Variants in GBP7 observed in about 807,000 individuals in gnomAD.
GBP7 encodes the protein guanylate-binding protein 7.
GBP7 carries 43 observed loss-of-function variants against 61.3 expected under a neutral mutation model. The ratio of observed to expected loss-of-function variants is 0.70; its 90% CI spans 0.55 to 0.91. The LOEUF is 0.91. Ranked by LOEUF, GBP7 falls within the 40% of genes least tolerant of loss-of-function variation. The pLI, the probability that GBP7 is intolerant of heterozygous loss-of-function variation, is 0.00. For synonymous variants in GBP7, 267 were observed against 271.0 expected, an observed-to-expected ratio of 0.99 and a Z score of 0.14; for missense variants, 717 against 740.5, an observed-to-expected ratio of 0.97 and a Z score of 0.37.
At chr1:89,153,669 T>A (rs1183435517) in intron 3 of GBP7, among the ~76,000 whole-genome samples, 1 of 152,014 alleles carries the variant, frequency 6.6e-6, no homozygotes, top group African/African-American at 2.4e-5. Flanking sequence ...ATTGTCAACA[T>A]AAAAATGCAA....
intron 3 of GBP7, among the ~76,000 whole-genome samples, chr1:89,158,943 A>G (rs1364999781): frequency 2.0e-5 from 3 of 152,094 alleles, no homozygotes; most frequent in Non-Finnish European, 4.4e-5. Flanking sequence ...GAGGCATCAC[A>G]CTACCCGATT....
chr1:89,154,995 A>G (rs970316043), intron 3 of GBP7, among the ~76,000 whole-genome samples: 3 of 152,206 alleles, frequency 2.0e-5, no homozygotes, highest in African/African-American at 7.2e-5. Context: ...CCCCTCTGGG[A>G]CAAAGCTTCC....
intron 9 of GBP7, among the ~76,000 whole-genome samples, chr1:89,138,903 A>T (rs1197479165): frequency 6.6e-6 from 1 of 152,308 alleles, no homozygotes; most frequent in East Asian, 1.9e-4. Flanking sequence ...AACCTACAGA[A>T]TGGGAGAAAA....
At chr1:89,157,854 T>C (rs1233186622) in intron 3 of GBP7, among the ~76,000 whole-genome samples, 1 of 152,126 alleles carries the variant, frequency 6.6e-6, no homozygotes, top group Non-Finnish European at 1.5e-5. Flanking sequence ...CCTAACTCAT[T>C]TCATGAGGCC....
chr1:89,165,772 G>C (rs4656099), intron 2 of GBP7, among the ~76,000 whole-genome samples: 1 of 151,770 alleles, frequency 6.6e-6, no homozygotes, highest in South Asian at 2.1e-4. Context: ...CTGTTGGGGG[G>C]TGGGGGCTAG....
rs1303189359 is a variant in GBP7 at position 89,147,173 on chromosome 1, C to G, written c.1365+394G>C. Among the ~76,000 whole-genome samples the G allele has an allele frequency of 3.6e-4, 55 of 152,168 alleles. 1 individual carries two copies. The highest frequency in any genetic ancestry group is 3.6e-3 in the Admixed American group (55 of 15,280). ...TCATCACCATCATTATCACCCCTATCAATGTATACCAATATGATAACCACA... is the reference window on the plus strand; with the variant it reads ...TCATCACCATCATTATCACCCCTATGAATGTATACCAATATGATAACCACA... On this transcript the variant is annotated intron_variant, in intron 8 of 10. Transcript: ENST00000294671.
In GBP7 at chr1:89,133,259, T is replaced by TTCA; in HGVS notation, c.1658_1660dup (p.Met553dup). ...CTGCCAAGCTTCATCCAGACTCACCTTCATCTTGTGACTCAACATCTTTCT... is the reference window on the plus strand; with the variant it reads ...CTGCCAAGCTTCATCCAGACTCACCTTCATCATCTTGTGACTCAACATCTTTCT... On this transcript the variant is annotated inframe_insertion and splice_region_variant, in exon 10 of 11. Coordinates refer to ENST00000294671, the MANE Select transcript of GBP7 (RefSeq NM_207398.3). The TTCA allele has an allele frequency of 1.2e-6, 2 of 1,612,634 alleles. No homozygotes were observed. The highest frequency in any genetic ancestry group is 2.2e-5 in the South Asian group (2 of 90,992).
intron 2 of GBP7, among the ~76,000 whole-genome samples, chr1:89,166,553 G>T (rs1647448879): frequency 6.6e-6 from 1 of 152,172 alleles, no homozygotes; most frequent in African/African-American, 2.4e-5. Context: ...AATACCGCAG[G>T]AATTAAAAAG....
chr1:89,150,214 C>T (rs1682159767), intron 6 of GBP7, 116 bp downstream of exon 6: 1 of 945,002 alleles, frequency 1.1e-6, no homozygotes, highest in Non-Finnish European at 1.6e-6. Context: ...ACTTATCCCA[C>T]ACCTCATAAC....
intron 9 of GBP7, among the ~76,000 whole-genome samples, chr1:89,141,205 G>GAA (rs530178959): frequency 4.6e-5 from 6 of 130,650 alleles, no homozygotes; most frequent in South Asian, 4.8e-4. Flanking sequence ...ATAAAAGTTG[G>GAA]AAAGAAAAAA....
At chr1:89,157,826 G>A (rs191984902) in intron 3 of GBP7, among the ~76,000 whole-genome samples, 3,249 of 152,120 alleles carry the variant, frequency 0.021, 35 homozygotes, top group Middle Eastern at 0.048. Context: ...CCAATCAGTA[G>A]AAAAACAGTG....
chr1:89,160,395 G>T (rs1313775881), intron 3 of GBP7, among the ~76,000 whole-genome samples: 1 of 152,086 alleles, frequency 6.6e-6, no homozygotes, highest in East Asian at 1.9e-4. Context: ...CATATGTGAA[G>T]ATTTTAAAAT....
intron 1 of GBP7, among the ~76,000 whole-genome samples, chr1:89,173,355 TTGA>T (rs1647657946): frequency 6.6e-6 from 1 of 152,212 alleles, no homozygotes; most frequent in Non-Finnish European, 1.5e-5. Context: ...TGAGATTCTG[TTGA>T]TATTTCCAGT....
intron 9 of GBP7, among the ~76,000 whole-genome samples, chr1:89,134,644 T>C (rs1019343905): frequency 6.8e-6 from 1 of 147,388 alleles, no homozygotes; most frequent in Admixed American, 6.8e-5. Flanking sequence ...ACCCAACTTA[T>C]ACCAGTTGAA....
At chr1:89,147,424 A>G (rs1682094222) in intron 8 of GBP7, 143 bp downstream of exon 8, 1 of 679,000 alleles carries the variant, frequency 1.5e-6, no homozygotes, top group East Asian at 2.5e-5. Flanking sequence ...ATAATTGTGG[A>G]TTTTAAGATT....
chr1:89,152,026 G>A lies in GBP7; in HGVS notation c.625+242C>T, dbSNP rs1570352009. ...AATATATTTTTCATGGTACTTATTG[G>A]TCTAAAATCATTTGATAGAACTTTG... On this transcript the variant is annotated intron_variant, in intron 5 of 10. Transcript: ENST00000294671. 4.6e-5 allele frequency among the ~76,000 whole-genome samples: 7 copies of A among 152,224 alleles called. 1 individual carries two copies. The South Asian group carries it at 1.5e-3, about 32-fold the overall frequency.
intron 3 of GBP7, among the ~76,000 whole-genome samples, chr1:89,162,496 C>T (rs1254652573): frequency 6.6e-6 from 1 of 152,056 alleles, no homozygotes; most frequent in Non-Finnish European, 1.5e-5. Flanking sequence ...CTTTTACCTC[C>T]CTAGTTAGCT....
At chr1:89,161,619 T>C (rs754148010) in intron 3 of GBP7, among the ~76,000 whole-genome samples, 1 of 149,560 alleles carries the variant, frequency 6.7e-6, no homozygotes, top group Non-Finnish European at 1.5e-5. Flanking sequence ...CTTTTTAATG[T>C]ATTTTTTTGT....
rs895145927 is a variant in GBP7, at chr1:89,164,807, C to T, written c.242G>A (p.Trp81Ter). 1.9e-6 allele frequency: 3 copies of T among 1,613,912 alleles called. No homozygotes were observed. The highest frequency in any genetic ancestry group is 1.7e-6 in the Non-Finnish European group (2 of 1,179,882). The part of the protein sequence containing the change: ...VKSETKGIWM[W>*]CVPHPSKPNH... ...TGGCTTGGAGGGGTGGGGCACACAC[C>T]ACATCCAGATGCCTTTGGTTTCAGA... The change falls in exon 3 of 11, where the codon TGG (tryptophan) becomes TAG (stop). Residue 81 changes from tryptophan (W) to a stop codon, truncating the protein, a stop_gained. Coordinates refer to ENST00000294671, the MANE Select transcript of GBP7 (RefSeq NM_207398.3). LOFTEE classifies it high-confidence loss of function.
Sources: allele counts gnomAD v4.1 joint callset (sites outside exome capture counted in the v4.1 genomes callset), GRCh38; gene constraint gnomAD v4.1.1; transcripts MANE v1.5; gene names NCBI Gene and HGNC (gene_info 2026-07-23, HGNC 2026-07-21).